ADAMTS19: variants seen among roughly 807,000 people sequenced by gnomAD.
ADAMTS19 encodes the protein ADAM metallopeptidase with thrombospondin type 1 motif 19.
In ADAMTS19, 93 loss-of-function variants were observed where a neutral mutation model predicts 153.3. The ratio of observed to expected loss-of-function variants is 0.61; its 90% CI spans 0.51 to 0.72. The LOEUF (loss-of-function observed/expected upper bound fraction) is 0.72, where lower values mean the gene tolerates loss of function less well. ADAMTS19 is among the 30% of genes least tolerant of loss of function. The pLI, the probability that ADAMTS19 is intolerant of heterozygous loss-of-function variation, is 0.00. For missense variants in ADAMTS19, 1,482 were observed against 1,552.1 expected (o/e 0.95, Z 0.76); for synonymous variants, 600 against 556.6 (o/e 1.08, Z -1.10).
chr5:129,669,339 G>T (rs1383589845), intron 16 of ADAMTS19, among the ~76,000 whole-genome samples: 5 of 151,774 alleles, frequency 3.3e-5, no homozygotes, highest in Non-Finnish European at 1.5e-5. Flanking sequence ...ATTCAGTTTT[G>T]GTAGGTTTTG....
At chr5:129,519,655 A>AC (rs1263358791) in intron 3 of ADAMTS19, among the ~76,000 whole-genome samples, 1 of 151,894 alleles carries the variant, frequency 6.6e-6, no homozygotes, top group Non-Finnish European at 1.5e-5. Flanking sequence ...TAGGAAAAAA[A>AC]AAAAAAGAGA....
chr5:129,527,478 C>G (rs1417086694), intron 4 of ADAMTS19, among the ~76,000 whole-genome samples: 1 of 151,156 alleles, frequency 6.6e-6, no homozygotes, highest in Non-Finnish European at 1.5e-5. Context: ...GCCTAACAAC[C>G]AGTCTTTTCT....
At chr5:129,629,728 T>C (rs1173665563) in intron 10 of ADAMTS19, among the ~76,000 whole-genome samples, 1 of 152,106 alleles carries the variant, frequency 6.6e-6, no homozygotes, top group African/African-American at 2.4e-5. Flanking sequence ...GCTGACTTCT[T>C]GGATGGCTTT....
At position 129,631,896 on chromosome 5, in the gene ADAMTS19, C is replaced by T. The variant is rs34465000; in HGVS notation, c.1770+9548C>T. Among the ~76,000 whole-genome samples, 659 of 151,982 alleles carry T rather than the reference C, an allele frequency of 4.3e-3. 4 individuals are homozygous for T. Among genetic ancestry groups the T allele is most frequent in the Non-Finnish European group, 7.3e-3 (495 of 67,912 alleles). On this transcript the variant is annotated intron_variant, in intron 10 of 22. Coordinates refer to ENST00000274487, the MANE Select transcript of ADAMTS19 (RefSeq NM_133638.6). ...CTAGATTTTATAATTTATTTTTTAA[C>T]TCTTTATTTCCCTCTGATCCCCATT...
At chr5:129,679,017 AAACTT>A (rs1166640559) in intron 16 of ADAMTS19, among the ~76,000 whole-genome samples, 1 of 152,178 alleles carries the variant, frequency 6.6e-6, no homozygotes, top group African/African-American at 2.4e-5. Flanking sequence ...AATATTTTAA[AAACTT>A]AATTTAAAAT....
At chr5:129,571,825 C>A (rs1753920210) in intron 7 of ADAMTS19, among the ~76,000 whole-genome samples, 1 of 151,246 alleles carries the variant, frequency 6.6e-6, no homozygotes, top group Admixed American at 6.6e-5. Flanking sequence ...ATCAATGGAC[C>A]AAAATAGAGA....
intron 3 of ADAMTS19, among the ~76,000 whole-genome samples, chr5:129,515,442 TA>T (rs1751570133): frequency 6.6e-6 from 1 of 151,954 alleles, no homozygotes; most frequent in Non-Finnish European, 1.5e-5. Context: ...AATATCTTTC[TA>T]CTTTTTGGTA....
chr5:129,515,451 G>A (rs931164055), intron 3 of ADAMTS19, among the ~76,000 whole-genome samples: 5 of 151,680 alleles, frequency 3.3e-5, no homozygotes, highest in African/African-American at 7.3e-5. Context: ...CTACTTTTTG[G>A]TATCTTCTTC....
intron 17 of ADAMTS19, 73 bp downstream of exon 17, chr5:129,679,994 C>G: frequency 7.3e-7 from 1 of 1,378,348 alleles, no homozygotes; most frequent in Non-Finnish European, 9.7e-7. Context: ...TGCACTTCCT[C>G]TAATATTTTT....
intron 3 of ADAMTS19, among the ~76,000 whole-genome samples, chr5:129,512,693 G>T (rs1326016748): frequency 1.3e-5 from 2 of 151,942 alleles, no homozygotes; most frequent in African/African-American, 4.8e-5. Context: ...CACCAGCTGG[G>T]ACACTGAGGG....
intron 10 of ADAMTS19, among the ~76,000 whole-genome samples, chr5:129,623,886 C>T (rs6881844): frequency 0.086 from 13,093 of 151,382 alleles, 638 homozygotes; most frequent in African/African-American, 0.1. Flanking sequence ...TTTGGGAGGC[C>T]GAGACGGGCG....
Position 129,460,331 on chromosome 5 carries a change from C to G in ADAMTS19, c.-61C>G. 1.3e-6 allele frequency: 2 copies of G among 1,500,180 alleles called. No individual in the cohort carries two copies. The highest frequency in any genetic ancestry group is 3.4e-5 in the Admixed American group (2 of 59,308). 92.9% of individuals were successfully genotyped at this position (1,500,180 alleles called of 1,614,324 possible). A position where few individuals can be genotyped will look rare whatever the true frequency, so the allele number is the denominator to read the frequency against. On this transcript the variant is annotated 5_prime_UTR_variant, in exon 1 of 23. Coordinates refer to ENST00000274487, the MANE Select transcript of ADAMTS19 (RefSeq NM_133638.6). ...AGCGCTCCGGGGAGGCCGCTGCGCCCCGGAGTGGATCGCGCTGGAGGCGTG... is the reference window on the plus strand; with the variant it reads ...AGCGCTCCGGGGAGGCCGCTGCGCCGCGGAGTGGATCGCGCTGGAGGCGTG...
rs1753645529 is a variant in ADAMTS19 at position 129,658,317 on chromosome 5, G to GAAAGAAAGAAAGAAAGAAAGAA, written c.2305-298_2305-277dup. 2.1e-4 allele frequency among the ~76,000 whole-genome samples: 8 copies of GAAAGAAAGAAAGAAAGAAAGAA among 38,510 alleles called. No individual in the cohort carries two copies. In the South Asian group the frequency reaches 4.0e-3, roughly 19 times the overall value. The allele number at this position is 38,510 out of a possible 152,430, so 25.3% of individuals were successfully genotyped here. On this transcript the variant is annotated intron_variant, in intron 14 of 22. Transcript: ENST00000274487. ...AAAGAAAGAAAGAAAGAAAAAGAAAGAAAGAAAGAAAGAAAGAAAGAAAGA... is the reference window on the plus strand; with the variant it reads ...AAAGAAAGAAAGAAAGAAAAAGAAAGAAAGAAAGAAAGAAAGAAAGAAAAAGAAAGAAAGAAAGAAAGAAAGA...
At chr5:129,655,396 C>T (rs1029925859) in intron 14 of ADAMTS19, among the ~76,000 whole-genome samples, 2 of 152,132 alleles carry the variant, frequency 1.3e-5, no homozygotes, top group East Asian at 3.8e-4. Flanking sequence ...GATAAACCTT[C>T]CAGAAGCAGG....
At chr5:129,491,512 T>G (rs1199645376) in intron 2 of ADAMTS19, among the ~76,000 whole-genome samples, 1 of 152,198 alleles carries the variant, frequency 6.6e-6, no homozygotes, top group Non-Finnish European at 1.5e-5. Flanking sequence ...TTTCTTCTAT[T>G]GTGAATTTCC....
At chr5:129,700,303 G>A (rs1477614996) in intron 19 of ADAMTS19, among the ~76,000 whole-genome samples, 2 of 152,168 alleles carry the variant, frequency 1.3e-5, no homozygotes, top group African/African-American at 4.8e-5. Flanking sequence ...ATGGAGTCAT[G>A]TTAAGTTTAG....
intron 8 of ADAMTS19, among the ~76,000 whole-genome samples, chr5:129,612,408 T>C (rs192256738): frequency 6.6e-6 from 1 of 152,082 alleles, no homozygotes; most frequent in African/African-American, 2.4e-5. Context: ...AGAAAAGAAT[T>C]TTCAACCCAG....
intron 13 of ADAMTS19, among the ~76,000 whole-genome samples, chr5:129,653,036 G>C (rs1033681574): frequency 1.3e-5 from 2 of 152,136 alleles, no homozygotes; most frequent in Admixed American, 6.6e-5. Flanking sequence ...GTTGAGAGCA[G>C]TATTCAGAAG....
rs114492610 is a variant in ADAMTS19, at chr5:129,574,728, T to C, written c.1373-21831T>C. 7.2e-3 allele frequency among the ~76,000 whole-genome samples: 1,088 copies of C among 152,094 alleles called. 14 individuals carry two copies. The highest frequency in any genetic ancestry group is 0.025 in the African/African-American group (1,045 of 41,492). On this transcript the variant is annotated intron_variant, in intron 7 of 22. Transcript: ENST00000274487. ...ATACAATTTGATGAGTTTGGATGTA[T>C]ATATAAATTCTTAAAATTTTATTCT...
Sources: gnomAD v4.1 joint callset for allele counts (sites outside exome capture counted in the v4.1 genomes callset) on GRCh38, gnomAD v4.1.1 for gene constraint, MANE v1.5 for transcripts, NCBI Gene and HGNC (gene_info 2026-07-23, HGNC 2026-07-21) for gene names.